The following SEMA3D variants were observed in gnomAD, a reference collection of about 807,000 sequenced individuals.
SEMA3D encodes the protein semaphorin-3D.
SEMA3D carries 84 observed loss-of-function variants against 100.1 expected under a neutral mutation model. That is an observed-to-expected ratio of 0.84 (90% CI 0.70 to 1.01). The LOEUF (loss-of-function observed/expected upper bound fraction) is 1.01. SEMA3D is among the 50% of genes least tolerant of loss of function. The pLI is 0.00. For synonymous variants in SEMA3D, 312 were observed against 320.7 expected (o/e 0.97, Z 0.29); for missense variants, 875 against 934.1 (o/e 0.94, Z 0.82).
At chr7:85,235,819 A>G in the SEMA3D span, among the ~76,000 whole-genome samples, 1 of 152,178 alleles carries the variant, frequency 6.6e-6, no homozygotes, top group Admixed American at 6.5e-5. Flanking sequence ...ATACCACCGC[A>G]GGTCTGAGTG....
chr7:85,091,078 AAG>A (rs144419035), intron 4 of SEMA3D, among the ~76,000 whole-genome samples: 6,330 of 146,536 alleles, frequency 0.043, 278 homozygotes, highest in African/African-American at 0.1. Context: ...GAGAAAGAGA[AAG>A]AGAGAGAAAG....
At chr7:85,150,539 A>AAT (rs967166450) in intron 2 of SEMA3D, among the ~76,000 whole-genome samples, 4 of 147,400 alleles carry the variant, frequency 2.7e-5, no homozygotes, top group African/African-American at 7.4e-5. Flanking sequence ...ATATATATAG[A>AAT]ATATATATAT....
At chr7:85,173,497 C>A (rs1791142139) in intron 1 of SEMA3D, among the ~76,000 whole-genome samples, 1 of 152,056 alleles carries the variant, frequency 6.6e-6, no homozygotes, top group South Asian at 2.1e-4. Context: ...TTCTAAAACA[C>A]CATTCTCTTA....
the SEMA3D span, among the ~76,000 whole-genome samples, chr7:85,225,309 T>G: frequency 6.6e-6 from 1 of 150,876 alleles, no homozygotes; most frequent in Non-Finnish European, 1.5e-5. Context: ...TCTTTTCCTG[T>G]TTTCTTTTCC....
intron 9 of SEMA3D, among the ~76,000 whole-genome samples, chr7:85,048,587 G>A (rs1442106806): frequency 2.0e-5 from 3 of 151,808 alleles, no homozygotes; most frequent in East Asian, 1.9e-4. Flanking sequence ...GTGAAGTTAT[G>A]CTCATTAAAT....
At chr7:85,184,883 C>G (rs1791499361) in intron 1 of SEMA3D, among the ~76,000 whole-genome samples, 1 of 152,202 alleles carries the variant, frequency 6.6e-6, no homozygotes, top group African/African-American at 2.4e-5. Context: ...CTCAGAGACT[C>G]TAAGACCCGA....
intron 4 of SEMA3D, among the ~76,000 whole-genome samples, chr7:85,090,376 C>T (rs527704121): frequency 2.0e-5 from 3 of 152,106 alleles, no homozygotes; most frequent in African/African-American, 4.8e-5. Context: ...ATGAACGAGT[C>T]GATTGTTTTA....
chr7:85,008,058 C>G (rs1789848486), intron 17 of SEMA3D, among the ~76,000 whole-genome samples: 1 of 151,750 alleles, frequency 6.6e-6, no homozygotes, highest in South Asian at 2.1e-4. Context: ...CTATCTCCAC[C>G]AATTCAACAG....
chr7:85,104,582 T>C (rs1164367439), intron 3 of SEMA3D, among the ~76,000 whole-genome samples: 2 of 152,050 alleles, frequency 1.3e-5, no homozygotes, highest in African/African-American at 4.8e-5. Flanking sequence ...GTCTATATTC[T>C]TCCTCTTCAC....
the SEMA3D span, among the ~76,000 whole-genome samples, chr7:85,198,738 T>C: frequency 2.9e-3 from 433 of 151,660 alleles, 1 homozygote; most frequent in Admixed American, 5.4e-3. Context: ...ATTATTTTAA[T>C]TGTTTTTAAA....
At chr7:85,011,016 G>C (rs1280330356) in intron 17 of SEMA3D, among the ~76,000 whole-genome samples, 2 of 151,692 alleles carry the variant, frequency 1.3e-5, no homozygotes, top group Non-Finnish European at 2.9e-5. Context: ...AGGGCACATA[G>C]GTATGCTGGA....
At chr7:85,089,979 T>C (rs1251167229) in intron 4 of SEMA3D, among the ~76,000 whole-genome samples, 1 of 152,008 alleles carries the variant, frequency 6.6e-6, no homozygotes, top group Non-Finnish European at 1.5e-5. Context: ...TTAATATAAA[T>C]CTAAGAAGTC....
the SEMA3D span, among the ~76,000 whole-genome samples, chr7:85,232,734 A>G: frequency 1.3e-5 from 2 of 152,312 alleles, no homozygotes; most frequent in Non-Finnish European, 1.5e-5. Flanking sequence ...TGGAGGTTAG[A>G]GACTTCCTTA....
At chr7:85,139,498 C>A (rs116147450) in intron 2 of SEMA3D, among the ~76,000 whole-genome samples, 1 of 151,946 alleles carries the variant, frequency 6.6e-6, no homozygotes, top group Non-Finnish European at 1.5e-5. Flanking sequence ...ATCCTGAAAT[C>A]CATGTAATAA....
chr7:85,234,409 C>T, the SEMA3D span, among the ~76,000 whole-genome samples: 1 of 152,122 alleles, frequency 6.6e-6, no homozygotes, highest in Non-Finnish European at 1.5e-5. Flanking sequence ...AATATTTTTT[C>T]CTCGGGCCAG....
chr7:85,070,858 G>A (rs565843861), intron 6 of SEMA3D, among the ~76,000 whole-genome samples: 93 of 152,250 alleles, frequency 6.1e-4, no homozygotes, highest in African/African-American at 2.2e-3. Context: ...TTGGCTCACT[G>A]CAACCTCCGC....
chr7:85,002,583 A>C (rs1000002855), intron 18 of SEMA3D, among the ~76,000 whole-genome samples: 4 of 152,186 alleles, frequency 2.6e-5, no homozygotes, highest in Admixed American at 2.0e-4. Context: ...ATGTCAGCAC[A>C]GTCAATTTAG....
intron 18 of SEMA3D, among the ~76,000 whole-genome samples, chr7:85,004,579 A>T (rs1387550896): frequency 1.3e-5 from 2 of 152,112 alleles, no homozygotes; most frequent in Non-Finnish European, 2.9e-5. Flanking sequence ...GAAACAGCTC[A>T]GTAAGGAAAT....
the SEMA3D span, among the ~76,000 whole-genome samples, chr7:85,244,136 G>T: frequency 6.6e-6 from 1 of 152,152 alleles, no homozygotes; most frequent in East Asian, 1.9e-4. Flanking sequence ...CATGGAACTG[G>T]CATCTGCTTA....
Sources: gnomAD v4.1 joint callset for allele counts (sites outside exome capture counted in the v4.1 genomes callset) on GRCh38, gnomAD v4.1.1 for gene constraint, MANE v1.5 for transcripts, NCBI Gene and HGNC (gene_info 2026-07-23, HGNC 2026-07-21) for gene names.